DCDC2C: variants seen among roughly 807,000 people sequenced by gnomAD.
DCDC2C encodes the protein doublecortin domain containing 2C, also known as doublecortin domain-containing protein 2C.
A neutral mutation model predicts 45.0 loss-of-function variants in DCDC2C; 44 were observed. The observed-to-expected ratio is 0.98, with a 90% CI of 0.77 to 1.26. The LOEUF (loss-of-function observed/expected upper bound fraction) is 1.26. DCDC2C is among the 50% of genes most tolerant of loss of function. The pLI, the probability that DCDC2C is intolerant of heterozygous loss-of-function variation, is 0.00. For synonymous variants in DCDC2C, 187 were observed against 178.8 expected, an observed-to-expected ratio of 1.05 and a Z score of -0.37; for missense variants, 447 against 468.9, an observed-to-expected ratio of 0.95 and a Z score of 0.43.
chr2:3,721,230 T>C (rs1668491214), intron 2 of DCDC2C, among the ~76,000 whole-genome samples: 1 of 152,200 alleles, frequency 6.6e-6, no homozygotes, highest in Non-Finnish European at 1.5e-5. Context: ...CCCTGTTTTC[T>C]ATTTCATTGC....
intron 10 of DCDC2C, among the ~76,000 whole-genome samples, chr2:3,837,615 A>T (rs1672112822): frequency 4.9e-5 from 5 of 101,974 alleles, no homozygotes; most frequent in African/African-American, 9.7e-5. Flanking sequence ...AGGGGAAGAA[A>T]CTGAGGAAGA....
At chr2:3,738,539 G>A (rs1181683151) in intron 3 of DCDC2C, among the ~76,000 whole-genome samples, 8 of 55,256 alleles carry the variant, frequency 1.4e-4, no homozygotes, top group Admixed American at 2.6e-4. Context: ...GGTCTATCTG[G>A]GAAAAAAAAA....
At chr2:3,837,509 C>T (rs1216290515) in intron 10 of DCDC2C, among the ~76,000 whole-genome samples, 1 of 151,976 alleles carries the variant, frequency 6.6e-6, no homozygotes, top group East Asian at 1.9e-4. Flanking sequence ...TGCACATGGT[C>T]AAGGCTAGGT....
intron 10 of DCDC2C, among the ~76,000 whole-genome samples, chr2:3,843,261 C>T (rs1200470472): frequency 3.3e-5 from 5 of 152,068 alleles, no homozygotes; most frequent in East Asian, 1.9e-4. Flanking sequence ...AAATGGACCG[C>T]GCTGGGCCAC....
At chr2:3,811,775 A>G (rs553464294) in intron 10 of DCDC2C, among the ~76,000 whole-genome samples, 10 of 152,282 alleles carry the variant, frequency 6.6e-5, no homozygotes, top group African/African-American at 1.9e-4. Flanking sequence ...GTTTATTGAG[A>G]GTTTTTAACA....
intron 4 of DCDC2C, among the ~76,000 whole-genome samples, chr2:3,750,446 G>A (rs1669511904): frequency 6.6e-6 from 1 of 152,148 alleles, no homozygotes; most frequent in Non-Finnish European, 1.5e-5. Flanking sequence ...GGGTGTCTGT[G>A]TGGCGAATCT....
intron 1 of DCDC2C, among the ~76,000 whole-genome samples, chr2:3,705,820 G>A (rs754790019): frequency 1.3e-5 from 2 of 152,168 alleles, no homozygotes; most frequent in Non-Finnish European, 2.9e-5. Context: ...TCTTCCCAGT[G>A]CTCTTACTGT....
At chr2:3,745,769 G>A (rs1669343298) in intron 4 of DCDC2C, among the ~76,000 whole-genome samples, 1 of 152,092 alleles carries the variant, frequency 6.6e-6, no homozygotes, top group South Asian at 2.1e-4. Context: ...TCAGTGCAGT[G>A]GCACAATCAC....
At chr2:3,836,129 A>C (rs773650180) in intron 10 of DCDC2C, among the ~76,000 whole-genome samples, 1 of 152,200 alleles carries the variant, frequency 6.6e-6, no homozygotes, top group African/African-American at 2.4e-5. Context: ...ACCTGTGGTC[A>C]AGGATAATTT....
intron 10 of DCDC2C, among the ~76,000 whole-genome samples, chr2:3,799,305 C>T (rs1671045589): frequency 6.6e-6 from 1 of 152,094 alleles, no homozygotes; most frequent in Non-Finnish European, 1.5e-5. Flanking sequence ...ACTTCTTTGC[C>T]TTTGGTTTGA....
chr2:3,762,598 A>G (rs969937468), intron 6 of DCDC2C, among the ~76,000 whole-genome samples: 1 of 151,496 alleles, frequency 6.6e-6, no homozygotes, highest in Non-Finnish European at 1.5e-5. Context: ...AGTCGGGGGG[A>G]GCAGGGGAGG....
intron 3 of DCDC2C, among the ~76,000 whole-genome samples, chr2:3,739,706 C>T (rs539901792): frequency 6.6e-6 from 1 of 152,250 alleles, no homozygotes; most frequent in Non-Finnish European, 1.5e-5. Flanking sequence ...ACTCATTCTC[C>T]AAGCCCACAT....
chr2:3,735,428 A>G (rs902685989), intron 3 of DCDC2C, among the ~76,000 whole-genome samples: 2 of 150,728 alleles, frequency 1.3e-5, no homozygotes, highest in Non-Finnish European at 1.5e-5. Flanking sequence ...CCCACCCCAC[A>G]ACAGTCCCTG....
At chr2:3,704,059 C>G (rs1348925319) in intron 1 of DCDC2C, 21 bp downstream of exon 1, 3 of 1,245,382 alleles carry the variant, frequency 2.4e-6, no homozygotes, top group Non-Finnish European at 3.0e-6. Context: ...CCGCGCCCCC[C>G]ACGCGCCCTG....
At chr2:3,742,409 C>A (rs1341081140) in intron 4 of DCDC2C, among the ~76,000 whole-genome samples, 1 of 152,084 alleles carries the variant, frequency 6.6e-6, no homozygotes, top group Non-Finnish European at 1.5e-5. Flanking sequence ...GGAGCCAGGC[C>A]TGGGGGAGCT....
intron 10 of DCDC2C, among the ~76,000 whole-genome samples, chr2:3,835,949 GC>G (rs1183523386): frequency 6.6e-6 from 1 of 152,008 alleles, no homozygotes; most frequent in East Asian, 1.9e-4. Context: ...TTGCTATGTT[GC>G]CCAGGCTGAT....
At chr2:3,780,550 C>A (rs909624066) in intron 9 of DCDC2C, among the ~76,000 whole-genome samples, 2 of 152,168 alleles carry the variant, frequency 1.3e-5, no homozygotes, top group African/African-American at 4.8e-5. Flanking sequence ...GCACCTAGTC[C>A]TCAGGTATCC....
intron 4 of DCDC2C, 98 bp from the exon 5 acceptor site, chr2:3,752,665 C>T: frequency 2.9e-6 from 4 of 1,382,824 alleles, no homozygotes; most frequent in Non-Finnish European, 4.0e-6. Context: ...CTCCAGCGGT[C>T]CATGCACTAG....
intron 2 of DCDC2C, among the ~76,000 whole-genome samples, chr2:3,709,272 TCCTCA>T (rs1668145545): frequency 6.6e-6 from 1 of 152,208 alleles, no homozygotes; most frequent in Non-Finnish European, 1.5e-5. Context: ...TTCTTAAATT[TCCTCA>T]CCTGTAAAAT....
Sources: gnomAD v4.1 joint callset for allele counts (sites outside exome capture counted in the v4.1 genomes callset) on GRCh38, gnomAD v4.1.1 for gene constraint, MANE v1.5 for transcripts, NCBI Gene and HGNC (gene_info 2026-07-23, HGNC 2026-07-21) for gene names.